MAP3K7: variants seen among roughly 807,000 people sequenced by gnomAD.
The protein encoded by MAP3K7 is mitogen-activated protein kinase kinase kinase 7.
In MAP3K7, 21 loss-of-function variants were observed where a neutral mutation model predicts 84.8. The observed-to-expected ratio is 0.25, with a 90% CI of 0.18 to 0.36. MAP3K7 has a LOEUF of 0.36. MAP3K7 is among the 10% of genes least tolerant of loss of function. MAP3K7 has a pLI of 1.00. For missense variants in MAP3K7, 503 were observed against 747.7 expected, an observed-to-expected ratio of 0.67 and a Z score of 3.82; for synonymous variants, 241 against 247.7, an observed-to-expected ratio of 0.97 and a Z score of 0.25.
chr6:90,557,697 AT>A (rs1218465244), intron 5 of MAP3K7, among the ~76,000 whole-genome samples: 6 of 152,172 alleles, frequency 3.9e-5, no homozygotes, highest in Non-Finnish European at 5.9e-5. Context: ...ATAATTTCTG[AT>A]GATTCAAGAT....
In MAP3K7 at chr6:90,515,890, A is replaced by G. The variant is rs1352662954; in HGVS notation, c.*611T>C. ...TCCGGTAAAACTGCTTTCATTAAAT[A>G]GAGCAGCTGCCACTTACCTTTACAT... On this transcript the variant is annotated 3_prime_UTR_variant, in exon 17 of 17. Coordinates refer to ENST00000369329, the MANE Select transcript of MAP3K7 (RefSeq NM_145331.3). 6.6e-6 allele frequency: 1 copy of G among 152,432 alleles called. No individual in the cohort carries two copies. The highest frequency in any genetic ancestry group is 1.5e-5 in the Non-Finnish European group (1 of 67,940). 9.4% of individuals were successfully genotyped at this position (152,432 alleles called of 1,614,324 possible). A position where few individuals can be genotyped will look rare whatever the true frequency, so the allele number is the denominator to read the frequency against.
At chr6:90,542,535 A>C (rs1287700465) in intron 12 of MAP3K7, 1 of 964,952 alleles carries the variant, frequency 1.0e-6, no homozygotes, top group Non-Finnish European at 1.2e-6. Flanking sequence ...GAACACTAAG[A>C]GAAAGCAAGA....
chr6:90,566,311 C>A (rs1440237846), intron 3 of MAP3K7, among the ~76,000 whole-genome samples: 2 of 152,170 alleles, frequency 1.3e-5, no homozygotes, highest in Non-Finnish European at 2.9e-5. Flanking sequence ...ATTTAGAAAA[C>A]CCCATTGTCT....
chr6:90,515,178 C>A lies in MAP3K7; in HGVS notation c.*1323G>T, dbSNP rs1442584162. 6.6e-6 allele frequency: 1 copy of A among 151,850 alleles called. No homozygotes were observed. Among genetic ancestry groups the A allele is most frequent in the Non-Finnish European group, 1.5e-5 (1 of 67,866 alleles). 9.4% of individuals were successfully genotyped at this position (151,850 alleles called of 1,614,324 possible). A position where few individuals can be genotyped will look rare whatever the true frequency, so the allele number is the denominator to read the frequency against. ...ATGCTTTCATTTTGAACTTTTTCTT[C>A]ATAAAACATTAATGCTATAAAAATC... On this transcript the variant is annotated 3_prime_UTR_variant, in exon 17 of 17. Coordinates refer to ENST00000369329, the MANE Select transcript of MAP3K7 (RefSeq NM_145331.3).
intron 12 of MAP3K7, 58 bp from the exon 13 acceptor site, chr6:90,536,459 T>A: frequency 7.7e-7 from 1 of 1,302,544 alleles, no homozygotes; most frequent in Non-Finnish European, 1.1e-6. Flanking sequence ...ACAAAAAGCG[T>A]GTAATTGCTA....
intron 7 of MAP3K7, among the ~76,000 whole-genome samples, chr6:90,553,161 G>A (rs1776232772): frequency 1.3e-5 from 2 of 152,070 alleles, no homozygotes; most frequent in Admixed American, 1.3e-4. Flanking sequence ...CCAGCCTGAT[G>A]CTTCTCCCTA....
chr6:90,585,710 T>C (rs1777422506), intron 1 of MAP3K7, among the ~76,000 whole-genome samples: 1 of 151,906 alleles, frequency 6.6e-6, no homozygotes, highest in African/African-American at 2.4e-5. Context: ...TGTTCTAAAA[T>C]AAATTACTGC....
chr6:90,554,910 G>A (rs1582206905), intron 6 of MAP3K7, among the ~76,000 whole-genome samples: 1 of 152,136 alleles, frequency 6.6e-6, no homozygotes, highest in Admixed American at 6.5e-5. Context: ...CTCCACTCAG[G>A]TGACTAGTTG....
At chr6:90,522,806 A>G (rs1363972901) in intron 14 of MAP3K7, among the ~76,000 whole-genome samples, 1 of 152,196 alleles carries the variant, frequency 6.6e-6, no homozygotes, top group Non-Finnish European at 1.5e-5. Context: ...TAGTTTGTAA[A>G]GACAGAAAGC....
Position 90,560,100 on chromosome 6 carries a change from A to G in MAP3K7, c.458T>C (p.Ile153Thr). 1 of 1,614,184 alleles carries G rather than the reference A, an allele frequency of 6.2e-7. No individual in the cohort carries two copies. The change falls in exon 5 of 17, where the codon ATT becomes ACT. Residue 153 changes from isoleucine (I) to threonine (T), a missense_variant. By Grantham distance (89) the Ile-to-Thr change is moderately conservative. Transcript: ENST00000369329. ...YLHSMQPKAL[I>T]HRDLKPPNLL... The stretch of plus-strand genomic sequence containing the variant: ...CTTTGGTGGTTTCAGGTCCCTGTGA[A>G]TTAGCGCTTTGGGTTGCATGCTGTG...
At chr6:90,580,206 T>A (rs1777223242) in intron 1 of MAP3K7, among the ~76,000 whole-genome samples, 1 of 152,196 alleles carries the variant, frequency 6.6e-6, no homozygotes, top group South Asian at 2.1e-4. Flanking sequence ...AATGAGCCAA[T>A]GTTACAAACT....
chr6:90,529,581 G>C (rs145434461), intron 13 of MAP3K7, among the ~76,000 whole-genome samples: 1 of 152,096 alleles, frequency 6.6e-6, no homozygotes, highest in African/African-American at 2.4e-5. Context: ...TACAGCTTTG[G>C]GTAACTTATT....
intron 13 of MAP3K7, among the ~76,000 whole-genome samples, chr6:90,526,312 T>A (rs1775319968): frequency 6.6e-6 from 1 of 152,182 alleles, no homozygotes; most frequent in African/African-American, 2.4e-5. Flanking sequence ...TAAGCATTCA[T>A]GGGACACTAA....
chr6:90,579,939 A>T (rs1184374221), intron 1 of MAP3K7, among the ~76,000 whole-genome samples: 3 of 152,144 alleles, frequency 2.0e-5, no homozygotes, highest in Admixed American at 1.3e-4. Context: ...TACTGTCTGC[A>T]CTCCACCTCT....
At chr6:90,517,027 T>C (rs1195168556) in intron 16 of MAP3K7, among the ~76,000 whole-genome samples, 1 of 151,894 alleles carries the variant, frequency 6.6e-6, no homozygotes, top group Non-Finnish European at 1.5e-5. Flanking sequence ...GAAAATATCA[T>C]GAAGTTTTTA....
intron 3 of MAP3K7, among the ~76,000 whole-genome samples, chr6:90,567,550 A>G (rs1562105078): frequency 6.6e-6 from 1 of 152,222 alleles, no homozygotes. Flanking sequence ...TGACCATTAA[A>G]AAGTCAGGAA....
intron 16 of MAP3K7, 31 bp downstream of exon 16, chr6:90,518,416 T>C (rs774301679): frequency 2.6e-6 from 3 of 1,169,042 alleles, no homozygotes; most frequent in Non-Finnish European, 3.7e-6. Context: ...TACTAATGTA[T>C]TTTTATTTTT....
At position 90,551,843 on chromosome 6, in the gene MAP3K7, G is replaced by A. The variant is rs942028662; in HGVS notation, c.867+206C>T. On this transcript the variant is annotated intron_variant, in intron 8 of 16. Coordinates refer to ENST00000369329, the MANE Select transcript of MAP3K7 (RefSeq NM_145331.3). ...AAAGCAAGTCTAGAAACCTAGTCTA[G>A]CCATCTTTCCAGTGATAAAGAACTA... The A allele has an allele frequency of 5.0e-5, 22 of 443,670 alleles. No individual in the cohort carries two copies. In the East Asian group the frequency reaches 7.1e-4, roughly 14 times the overall value. The allele number at this position is 443,670 out of a possible 1,614,324, so 27.5% of individuals were successfully genotyped here. A position where few individuals can be genotyped will look rare whatever the true frequency, so the allele number is the denominator to read the frequency against.
intron 12 of MAP3K7, among the ~76,000 whole-genome samples, chr6:90,539,236 C>G (rs1294322329): frequency 6.6e-6 from 1 of 151,834 alleles, no homozygotes; most frequent in Non-Finnish European, 1.5e-5. Context: ...TTCCAATAAA[C>G]CAGCTTTATT....
Sources: gnomAD v4.1 joint callset for allele counts (sites outside exome capture counted in the v4.1 genomes callset) on GRCh38, gnomAD v4.1.1 for gene constraint, MANE v1.5 for transcripts, NCBI Gene and HGNC (gene_info 2026-07-23, HGNC 2026-07-21) for gene names.